Variants in XRCC4 observed in about 807,000 individuals in gnomAD.
XRCC4 encodes the protein X-ray repair cross complementing 4.
In XRCC4, 28 loss-of-function variants were observed where a neutral mutation model predicts 39.1. The observed-to-expected ratio is 0.72, with a 90% CI of 0.53 to 0.98. The LOEUF (loss-of-function observed/expected upper bound fraction) is 0.98. XRCC4 is among the 50% of genes least tolerant of loss of function. XRCC4 has a pLI of 0.00. For missense variants in XRCC4, 350 were observed against 376.4 expected, an observed-to-expected ratio of 0.93 and a Z score of 0.58; for synonymous variants, 123 against 126.4, an observed-to-expected ratio of 0.97 and a Z score of 0.18.
chr5:83,103,023 T>TAC (rs1746018776), intron 1 of XRCC4, among the ~76,000 whole-genome samples: 1 of 144,254 alleles, frequency 6.9e-6, no homozygotes, highest in African/African-American at 2.6e-5. Context: ...TATATATATA[T>TAC]ATATATATGT....
chr5:83,212,709 C>A (rs1751695943), intron 6 of XRCC4, among the ~76,000 whole-genome samples: 1 of 151,972 alleles, frequency 6.6e-6, no homozygotes, highest in Admixed American at 6.6e-5. Context: ...AGGCAGAACA[C>A]CCGAGGTCAG....
At chr5:83,092,755 G>A (rs1745486050) in intron 1 of XRCC4, among the ~76,000 whole-genome samples, 1 of 151,704 alleles carries the variant, frequency 6.6e-6, no homozygotes, top group Admixed American at 6.6e-5. Context: ...TAGCCAAAAA[G>A]CAAAAATCTG....
chr5:83,101,496 T>A (rs1391663477), intron 1 of XRCC4, among the ~76,000 whole-genome samples: 1 of 151,830 alleles, frequency 6.6e-6, no homozygotes, highest in Non-Finnish European at 1.5e-5. Context: ...AAGAGTAGGA[T>A]CACTAATTAA....
At chr5:83,234,354 A>G (rs1011142964) in intron 6 of XRCC4, among the ~76,000 whole-genome samples, 1 of 152,098 alleles carries the variant, frequency 6.6e-6, no homozygotes, top group Admixed American at 6.6e-5. Context: ...CATAATATGC[A>G]TTCTTATTTA....
intron 6 of XRCC4, among the ~76,000 whole-genome samples, chr5:83,245,780 G>T (rs1362531579): frequency 2.0e-5 from 3 of 151,930 alleles, no homozygotes; most frequent in Non-Finnish European, 4.4e-5. Context: ...CTTTAGAAAA[G>T]TTTCAGTAAA....
chr5:83,258,517 CATTTT>C lies in XRCC4; in HGVS notation c.746-8_746-4del. On this transcript the variant is annotated splice_polypyrimidine_tract_variant and splice_region_variant and intron_variant, in intron 6 of 7. Coordinates refer to ENST00000396027, the MANE Select transcript of XRCC4 (RefSeq NM_003401.5). ...ATTTTGTTGGGTCACATTCTCATCT[CATTTT>C]ATTTCAGCTGCTGTAAGTAAAGATG... 3 of 1,604,648 alleles carry C rather than the reference CATTTT, an allele frequency of 1.9e-6. No homozygotes were observed. Among genetic ancestry groups the C allele is most frequent in the South Asian group, 1.1e-5 (1 of 88,790 alleles).
Position 83,334,673 on chromosome 5 carries a change from G to GCA in XRCC4, c.894-18457_894-18456dup, listed in dbSNP as rs1425866513. Among the ~76,000 whole-genome samples the GCA allele has an allele frequency of 1.0e-4, 15 of 144,628 alleles. No individual in the cohort carries two copies. In the East Asian group the frequency reaches 1.0e-3, roughly 10 times the overall value. The allele number at this position is 144,628 out of a possible 152,430, so 94.9% of individuals were successfully genotyped here. A position where few individuals can be genotyped will look rare whatever the true frequency, so the allele number is the denominator to read the frequency against. ...ATACGTACATTATATGTATGTGTGTGCATATATATATATATATAAGATAGA... is the reference window on the plus strand; with the variant it reads ...ATACGTACATTATATGTATGTGTGTGCACATATATATATATATATAAGATAGA... On this transcript the variant is annotated intron_variant, in intron 7 of 7. Transcript: ENST00000396027.
At chr5:83,113,859 C>T (rs1237304825) in intron 3 of XRCC4, among the ~76,000 whole-genome samples, 1 of 152,196 alleles carries the variant, frequency 6.6e-6, no homozygotes, top group East Asian at 1.9e-4. Flanking sequence ...ATCTCCTGAC[C>T]TCGTGATCCG....
At chr5:83,202,513 G>A (rs1478622781) in intron 4 of XRCC4, among the ~76,000 whole-genome samples, 2 of 152,106 alleles carry the variant, frequency 1.3e-5, no homozygotes, top group East Asian at 1.9e-4. Context: ...TTAAGGGCAT[G>A]TATATAAAAG....
chr5:83,107,182 T>G (rs1188108290), intron 2 of XRCC4, among the ~76,000 whole-genome samples: 1 of 152,040 alleles, frequency 6.6e-6, no homozygotes, highest in Non-Finnish European at 1.5e-5. Context: ...TTTTATGCCT[T>G]CATTCATTTC....
intron 3 of XRCC4, among the ~76,000 whole-genome samples, chr5:83,113,275 A>G (rs1746535700): frequency 6.6e-6 from 1 of 152,160 alleles, no homozygotes. Context: ...TTGACTCCAT[A>G]TCTCACATCC....
chr5:83,199,351 A>G (rs1433892108), intron 4 of XRCC4, among the ~76,000 whole-genome samples: 4 of 152,106 alleles, frequency 2.6e-5, no homozygotes, highest in Non-Finnish European at 5.9e-5. Flanking sequence ...AAGGATGAGG[A>G]ACAGCTGTTC....
At chr5:83,333,123 A>G (rs1236341790) in intron 7 of XRCC4, among the ~76,000 whole-genome samples, 1 of 152,160 alleles carries the variant, frequency 6.6e-6, no homozygotes, top group Non-Finnish European at 1.5e-5. Context: ...CTTGAAAAAA[A>G]AAATACTTGG....
chr5:83,368,403 G>A, the XRCC4 span, among the ~76,000 whole-genome samples: 1 of 152,158 alleles, frequency 6.6e-6, no homozygotes, highest in South Asian at 2.1e-4. Flanking sequence ...TTCATCTGCT[G>A]TCACTTCTAT....
At chr5:83,281,974 A>G (rs1754557381) in intron 7 of XRCC4, among the ~76,000 whole-genome samples, 3 of 152,234 alleles carry the variant, frequency 2.0e-5, no homozygotes, top group African/African-American at 7.2e-5. Flanking sequence ...TTAGTCACCC[A>G]GTGGCATTTA....
At chr5:83,102,880 GTGGATT>G (rs1746005070) in intron 1 of XRCC4, among the ~76,000 whole-genome samples, 1 of 151,680 alleles carries the variant, frequency 6.6e-6, no homozygotes, top group Non-Finnish European at 1.5e-5. Context: ...AGAGCAGGTG[GTGGATT>G]TGAGTCCTTG....
chr5:83,145,812 T>TC (rs1389989927), intron 3 of XRCC4, among the ~76,000 whole-genome samples: 1 of 152,074 alleles, frequency 6.6e-6, no homozygotes, highest in Non-Finnish European at 1.5e-5. Flanking sequence ...TTCTTTTTTT[T>TC]CCCCAGAATC....
chr5:83,310,553 T>C (rs185958627), intron 7 of XRCC4, among the ~76,000 whole-genome samples: 1 of 152,312 alleles, frequency 6.6e-6, no homozygotes. Context: ...AGAAAAGCCA[T>C]CAATTTCCAT....
chr5:83,125,743 C>CTTTGAG lies in XRCC4; in HGVS notation c.315+14540_315+14541insTTTGAG. Among the ~76,000 whole-genome samples, 2 of 151,566 alleles carry CTTTGAG rather than the reference C, an allele frequency of 1.3e-5. 1 individual carries two copies. The highest frequency in any genetic ancestry group is 2.9e-5 in the Non-Finnish European group (2 of 67,870). On this transcript the variant is annotated intron_variant, in intron 3 of 7. Transcript: ENST00000396027. ...TCGTGGCACATGCCTGTAATTCCAA[C>CTTTGAG]AGGCCGAGGCGGGTGGATCACCTGA...
Sources: allele counts gnomAD v4.1 joint callset (sites outside exome capture counted in the v4.1 genomes callset), GRCh38; gene constraint gnomAD v4.1.1; transcripts MANE v1.5; gene names NCBI Gene and HGNC (gene_info 2026-07-23, HGNC 2026-07-21).